The following AP2A1 variants were observed in gnomAD, a reference collection of about 807,000 sequenced individuals.
AP2A1 encodes AP-2 complex subunit alpha-1.
A neutral mutation model predicts 107.3 loss-of-function variants in AP2A1; 21 were observed. The ratio of observed to expected loss-of-function variants is 0.20; its 90% CI spans 0.14 to 0.28. The LOEUF (loss-of-function observed/expected upper bound fraction) is 0.28. Ranked by LOEUF, AP2A1 falls within the 10% of genes least tolerant of loss-of-function variation. AP2A1 has a pLI of 1.00. For missense variants in AP2A1, 873 were observed against 1,307.7 expected (o/e 0.67, Z 5.13); for synonymous variants, 602 against 564.8 (o/e 1.07, Z -0.93).
intron 1 of AP2A1, among the ~76,000 whole-genome samples, chr19:49,770,118 C>G (rs1313899582): frequency 6.6e-6 from 1 of 152,172 alleles, no homozygotes; most frequent in East Asian, 1.9e-4. Context: ...ATCTGCCCGC[C>G]TTGGCCTCCC....
At chr19:49,805,993 G>T in intron 21 of AP2A1, 52 bp downstream of exon 21, 1 of 1,613,184 alleles carries the variant, frequency 6.2e-7, no homozygotes, top group Non-Finnish European at 8.5e-7. Context: ...GCTTCTCTGA[G>T]CCTCTGTTTT....
At chr19:49,784,990 T>C (rs1251307213) in intron 4 of AP2A1, among the ~76,000 whole-genome samples, 1 of 152,192 alleles carries the variant, frequency 6.6e-6, no homozygotes, top group Admixed American at 6.5e-5. Context: ...GCAGTAGAAC[T>C]GAAGAAAGAC....
intron 1 of AP2A1, among the ~76,000 whole-genome samples, chr19:49,767,589 G>C (rs1057300227): frequency 6.6e-6 from 1 of 152,102 alleles, no homozygotes; most frequent in Admixed American, 6.5e-5. Flanking sequence ...GTGCCCTGTG[G>C]AGCGATGGAA....
chr19:49,771,630 A>C (rs1294145476), intron 1 of AP2A1, among the ~76,000 whole-genome samples: 4 of 152,000 alleles, frequency 2.6e-5, no homozygotes, highest in Admixed American at 1.3e-4. Flanking sequence ...GCTGGTCTCG[A>C]ACTCCTGATC....
In AP2A1 at chr19:49,806,839, C is replaced by G; in HGVS notation, c.*81C>G. The G allele has an allele frequency of 6.3e-7, 1 of 1,598,474 alleles. No homozygotes were observed. The highest frequency in any genetic ancestry group is 8.5e-7 in the Non-Finnish European group (1 of 1,174,642). ...GGCAGTTTTGGTGGATGGGGGACCT[C>G]CACTGGTGACAGAGAAGACACCAGG... On this transcript the variant is annotated 3_prime_UTR_variant, in exon 23 of 23. Transcript: ENST00000354293.
Position 49,787,353 on chromosome 19 carries a change from TG to T in AP2A1, c.474-4581del, listed in dbSNP as rs200451641. 7.2e-4 allele frequency among the ~76,000 whole-genome samples: 80 copies of T among 111,048 alleles called. 7 individuals are homozygous for T. Among genetic ancestry groups the T allele is most frequent in the African/African-American group, 1.5e-3 (42 of 28,098 alleles). The allele number at this position is 111,048 out of a possible 152,430, so 72.9% of individuals were successfully genotyped here. A position where few individuals can be genotyped will look rare whatever the true frequency, so the allele number is the denominator to read the frequency against. On this transcript the variant is annotated intron_variant, in intron 4 of 22. Coordinates refer to ENST00000354293, the MANE Select transcript of AP2A1 (RefSeq NM_130787.3). Reference sequence around the variant, plus strand: ...TTTTTTGTTTGTTTTTTTTGTTTTTTGTTTTTTTTTTTTTGAGGCAGTCTCT... The same window carrying T: ...TTTTTTGTTTGTTTTTTTTGTTTTTTTTTTTTTTTTTTTGAGGCAGTCTCT...
At chr19:49,768,370 C>T (rs1210311919) in intron 1 of AP2A1, among the ~76,000 whole-genome samples, 2 of 152,030 alleles carry the variant, frequency 1.3e-5, no homozygotes, top group African/African-American at 4.8e-5. Flanking sequence ...TTGAGCACTG[C>T]CACTCCCTGG....
At position 49,767,006 on chromosome 19, in the gene AP2A1, C is replaced by A; in HGVS notation, c.-128C>A. On this transcript the variant is annotated 5_prime_UTR_variant, in exon 1 of 23. Coordinates refer to ENST00000354293, the MANE Select transcript of AP2A1 (RefSeq NM_130787.3). ...GCCAGCCCGCCCGCCCGCCCGCCAG[C>A]CAGCCCTCCCCGCGGCCGGCTCGGC... is the stretch of plus-strand genomic sequence containing the variant. 1 of 968,340 alleles carries A rather than the reference C, an allele frequency of 1.0e-6. No individual in the cohort carries two copies. The highest frequency in any genetic ancestry group is 1.4e-6 in the Non-Finnish European group (1 of 723,858). The allele number at this position is 968,340 out of a possible 1,614,324, so 60.0% of individuals were successfully genotyped here.
chr19:49,779,731 C>T (rs1272829428), intron 1 of AP2A1, among the ~76,000 whole-genome samples: 1 of 152,178 alleles, frequency 6.6e-6, no homozygotes, highest in Non-Finnish European at 1.5e-5. Flanking sequence ...ATAATTTTTA[C>T]TGAAATATTT....
Position 49,802,989 on chromosome 19 carries a change from G to A in AP2A1, c.2155G>A (p.Asp719Asn), listed in dbSNP as rs1355200810. 1.9e-6 allele frequency: 3 copies of A among 1,613,622 alleles called. No individual in the cohort carries two copies. The highest frequency in any genetic ancestry group is 1.7e-5 in the Admixed American group (1 of 59,952). The change falls in exon 16 of 23, where the codon GAT (aspartate) becomes AAT (asparagine). Residue 719 changes from aspartate (D) to asparagine (N), a missense_variant. Asp to Asn is a conservative substitution (Grantham distance 23). This residue lies in a region of AP2A1 where 416 missense variants were observed against 473.4 expected (regional missense o/e 0.88). Coordinates refer to ENST00000354293, the MANE Select transcript of AP2A1 (RefSeq NM_130787.3). Reference protein sequence around the residue: ...EDIGPPIPEADELLNKFVCKN... With the variant: ...EDIGPPIPEANELLNKFVCKN... The stretch of plus-strand genomic sequence containing the variant: ...CATCGGCCCTCCCATTCCGGAAGCC[G>A]ATGAGTTGCTGAATAAGTGAGTCCT...
Position 49,806,833 on chromosome 19 carries a change from G to T in AP2A1, c.*75G>T, listed in dbSNP as rs2073402874. 3.7e-6 allele frequency: 6 copies of T among 1,602,902 alleles called. No homozygotes were observed. Among genetic ancestry groups the T allele is most frequent in the Non-Finnish European group, 5.1e-6 (6 of 1,176,234 alleles). On this transcript the variant is annotated 3_prime_UTR_variant, in exon 23 of 23. Coordinates refer to ENST00000354293, the MANE Select transcript of AP2A1 (RefSeq NM_130787.3). ...GACTGAGGCAGTTTTGGTGGATGGG[G>T]GACCTCCACTGGTGACAGAGAAGAC...
chr19:49,791,927 C>T lies in AP2A1; in HGVS notation c.474-8C>T. The T allele has an allele frequency of 6.2e-7, 1 of 1,603,718 alleles. No individual in the cohort carries two copies. The highest frequency in any genetic ancestry group is 2.2e-5 in the East Asian group (1 of 44,562). ...CTGCTTCCCCTGCCCTGCATGGTGT[C>T]CCCACAGGGACAGCATGGACAGTGT... On this transcript the variant is annotated splice_region_variant and splice_polypyrimidine_tract_variant and intron_variant, in intron 4 of 22. Coordinates refer to ENST00000354293, the MANE Select transcript of AP2A1 (RefSeq NM_130787.3).
rs2073394748 is a variant in AP2A1, at chr19:49,806,625, C to T, written c.2791-56C>T. 33 of 1,608,828 alleles carry T rather than the reference C, an allele frequency of 2.1e-5. 2 individuals are homozygous for T. In the Admixed American group the frequency reaches 4.7e-4, roughly 23 times the overall value. The stretch of plus-strand genomic sequence containing the variant: ...CCTTCCTTCTATCTCCCTTGGGTCC[C>T]GACTTCCCTGGGCTCCCCATCTCCT... On this transcript the variant is annotated intron_variant, in intron 22 of 22. Coordinates refer to ENST00000354293, the MANE Select transcript of AP2A1 (RefSeq NM_130787.3).
chr19:49,767,059 G>T lies in AP2A1; in HGVS notation c.-75G>T. ...CTTGGCGCTGCCTGGGGTCCTTTCC[G>T]CCCGGTCCCCGCTTGCCAGCCCCCG... On this transcript the variant is annotated 5_prime_UTR_variant, in exon 1 of 23. Transcript: ENST00000354293. The T allele has an allele frequency of 6.7e-7, 1 of 1,488,436 alleles. No individual in the cohort carries two copies. The highest frequency in any genetic ancestry group is 1.2e-5 in the South Asian group (1 of 80,858). The allele number at this position is 1,488,436 out of a possible 1,614,324, so 92.2% of individuals were successfully genotyped here.
chr19:49,769,016 G>A (rs1334302825), intron 1 of AP2A1, among the ~76,000 whole-genome samples: 1 of 152,138 alleles, frequency 6.6e-6, no homozygotes, highest in African/African-American at 2.4e-5. Flanking sequence ...TTGGGGGGCC[G>A]AGGTAGGCGG....
At chr19:49,780,330 G>A (rs1220339699) in intron 1 of AP2A1, among the ~76,000 whole-genome samples, 3 of 152,236 alleles carry the variant, frequency 2.0e-5, no homozygotes, top group Non-Finnish European at 4.4e-5. Context: ...GAAACGGAAC[G>A]GCCTTTCAGG....
At chr19:49,783,618 A>G (rs561950052) in intron 4 of AP2A1, among the ~76,000 whole-genome samples, 1 of 152,342 alleles carries the variant, frequency 6.6e-6, no homozygotes, top group South Asian at 2.1e-4. Context: ...AATGAGGAGC[A>G]CACAGGCCAC....
chr19:49,767,409 T>C lies in AP2A1; in HGVS notation c.67+209T>C, dbSNP rs562274602. On this transcript the variant is annotated intron_variant, in intron 1 of 22. Transcript: ENST00000354293. ...TGCCTCTTGAGGTGACGACACGGAG[T>C]AGCTAGAGGGGTCCGGGAGGGCTTG... Among the ~76,000 whole-genome samples, 239 of 150,188 alleles carry C rather than the reference T, an allele frequency of 1.6e-3. 2 individuals are homozygous for C. The highest frequency in any genetic ancestry group is 5.8e-3 in the African/African-American group (237 of 40,726).
intron 12 of AP2A1, 89 bp downstream of exon 12, chr19:49,801,147 G>A: frequency 1.6e-6 from 2 of 1,280,816 alleles, no homozygotes; most frequent in Non-Finnish European, 2.1e-6. Flanking sequence ...AGGGCAGGCA[G>A]TGATGGGCTC....
Sources: allele counts gnomAD v4.1 joint callset (sites outside exome capture counted in the v4.1 genomes callset), GRCh38; gene constraint gnomAD v4.1.1; regional missense constraint gnomAD v4.1.1; transcripts MANE v1.5; gene names NCBI Gene and HGNC (gene_info 2026-07-23, HGNC 2026-07-21).